SRRM3: variants seen among roughly 807,000 people sequenced by gnomAD.
The protein encoded by SRRM3 is serine/arginine repetitive matrix protein 3.
SRRM3 carries 27 observed loss-of-function variants against 66.2 expected under a neutral mutation model. The ratio of observed to expected loss-of-function variants is 0.41; its 90% confidence interval spans 0.30 to 0.56. The LOEUF (loss-of-function observed/expected upper bound fraction) is 0.56. Among genes scored for constraint, SRRM3 ranks in the 20% least tolerant of loss-of-function variants. SRRM3 has a pLI of 0.32. For synonymous variants in SRRM3, 391 were observed against 414.9 expected, an observed-to-expected ratio of 0.94 and a Z score of 0.70; for missense variants, 918 against 991.9, an observed-to-expected ratio of 0.93 and a Z score of 1.00.
chr7:76,210,682 C>T (rs944554696), intron 1 of SRRM3, among the ~76,000 whole-genome samples: 2 of 151,972 alleles, frequency 1.3e-5, no homozygotes, highest in Non-Finnish European at 2.9e-5. Context: ...CTTGGGGGGG[C>T]GGGTAGTGCA....
intron 9 of SRRM3, 30 bp from the exon 10 acceptor site, chr7:76,265,334 G>A: frequency 6.4e-7 from 1 of 1,555,328 alleles, no homozygotes; most frequent in Non-Finnish European, 8.8e-7. Flanking sequence ...CAGAATTGAG[G>A]TACAGGCTGA....
Position 76,251,945 on chromosome 7 carries a change from A to G in SRRM3, c.335+3656A>G, listed in dbSNP as rs188181746. Among the ~76,000 whole-genome samples the G allele has an allele frequency of 1.7e-3, 266 of 152,168 alleles. 2 individuals carry two copies. The highest frequency in any genetic ancestry group is 0.014 in the Middle Eastern group (4 of 294). ...CTGAGCATGGTGGCACACGCCTGCA[A>G]TCCCAGCTACTCTGGAGCTGGGAGC... On this transcript the variant is annotated intron_variant, in intron 3 of 14. Coordinates refer to ENST00000611745, the MANE Select transcript of SRRM3 (RefSeq NM_001110199.3).
intron 1 of SRRM3, among the ~76,000 whole-genome samples, chr7:76,224,650 G>A (rs1330650177): frequency 3.3e-5 from 5 of 152,128 alleles, no homozygotes; most frequent in South Asian, 2.1e-4. Flanking sequence ...TATTAGCTAC[G>A]AGGGTCTGCC....
intron 11 of SRRM3, among the ~76,000 whole-genome samples, chr7:76,277,343 C>T (rs75385794): frequency 1.3e-5 from 2 of 152,270 alleles, no homozygotes; most frequent in East Asian, 3.9e-4. Context: ...GTGGGAAGGA[C>T]CCATCACGGC....
At chr7:76,261,027 G>A in intron 6 of SRRM3, 124 bp downstream of exon 6, 1 of 1,074,366 alleles carries the variant, frequency 9.3e-7, no homozygotes, top group Non-Finnish European at 1.3e-6. Flanking sequence ...ACACTGCCAA[G>A]GTGCAAGTTT....
At chr7:76,280,891 CT>C (rs1259091886) in intron 11 of SRRM3, among the ~76,000 whole-genome samples, 2 of 151,296 alleles carry the variant, frequency 1.3e-5, no homozygotes, top group Admixed American at 1.3e-4. Flanking sequence ...GGCTTCCATC[CT>C]TCTCTCTCTT....
chr7:76,218,522 CAGAG>C (rs1335698287), intron 1 of SRRM3, among the ~76,000 whole-genome samples: 1 of 152,074 alleles, frequency 6.6e-6, no homozygotes, highest in African/African-American at 2.4e-5. Context: ...AGGGCCCTGA[CAGAG>C]AGCAGGAAGA....
At chr7:76,256,494 C>G (rs1419445817) in intron 3 of SRRM3, among the ~76,000 whole-genome samples, 5 of 150,696 alleles carry the variant, frequency 3.3e-5, no homozygotes, top group African/African-American at 9.8e-5. Context: ...GCGACAAGAG[C>G]AAGACTCTGT....
At chr7:76,262,606 G>C (rs1285462575) in intron 8 of SRRM3, among the ~76,000 whole-genome samples, 1 of 151,050 alleles carries the variant, frequency 6.6e-6, no homozygotes, top group Non-Finnish European at 1.5e-5. Flanking sequence ...TGGATCATTT[G>C]AAGTCAGGAC....
intron 2 of SRRM3, among the ~76,000 whole-genome samples, chr7:76,242,051 C>T (rs1347545873): frequency 6.6e-6 from 1 of 152,126 alleles, no homozygotes; most frequent in African/African-American, 2.4e-5. Flanking sequence ...AGAAGGGGAG[C>T]CAGCATGTCT....
At chr7:76,216,676 G>T (rs1198135034) in intron 1 of SRRM3, among the ~76,000 whole-genome samples, 1 of 152,226 alleles carries the variant, frequency 6.6e-6, no homozygotes, top group East Asian at 1.9e-4. Context: ...ATTGCTTTCT[G>T]GGGAGGAGAG....
chr7:76,263,875 G>GCCAAAAAAAAAAA lies in SRRM3; in HGVS notation c.675-890_675-889insCCAAAAAAAAAAA, dbSNP rs1243393227. ...GCAACAGAGCGGGACTCTGTCTCAA[G>GCCAAAAAAAAAAA]ACAAAAAAAAAAAAAAAAAAAAAAA... On this transcript the variant is annotated intron_variant, in intron 8 of 14. Transcript: ENST00000611745. 1.9e-3 allele frequency among the ~76,000 whole-genome samples: 52 copies of GCCAAAAAAAAAAA among 26,744 alleles called. 8 individuals carry two copies. Among genetic ancestry groups the GCCAAAAAAAAAAA allele is most frequent in the South Asian group, 4.9e-3 (3 of 614 alleles). 17.5% of individuals were successfully genotyped at this position (26,744 alleles called of 152,430 possible). A position where few individuals can be genotyped will look rare whatever the true frequency, so the allele number is the denominator to read the frequency against.
intron 1 of SRRM3, among the ~76,000 whole-genome samples, chr7:76,222,716 G>A (rs1417378913): frequency 6.6e-6 from 1 of 151,936 alleles, no homozygotes; most frequent in African/African-American, 2.4e-5. Context: ...CTGCCTCCTG[G>A]GTTCAAGCAA....
rs1244594851 is a variant in SRRM3 at position 76,285,007 on chromosome 7, CACTT to C, written c.1734-605_1734-602del. ...GGCAGGGCTGGGACGTAGTCACAGA[CACTT>C]ACACGCCAGCTTGGGTGATGGGAGC... On this transcript the variant is annotated intron_variant, in intron 14 of 14. Transcript: ENST00000611745. This position sits in a 1 kb window ranked among gnomAD's most constrained non-coding sequence, Gnocchi z 4.1. Among the ~76,000 whole-genome samples the C allele has an allele frequency of 6.6e-6, 1 of 152,152 alleles. No homozygotes were observed. Among genetic ancestry groups the C allele is most frequent in the East Asian group, 1.9e-4 (1 of 5,196 alleles).
intron 10 of SRRM3, among the ~76,000 whole-genome samples, chr7:76,266,972 C>G (rs781966571): frequency 9.3e-4 from 141 of 152,072 alleles, no homozygotes; most frequent in South Asian, 1.7e-3. Flanking sequence ...CAAGCCCAGC[C>G]TAATAATAAT....
At chr7:76,224,167 G>T (rs1385832260) in intron 1 of SRRM3, among the ~76,000 whole-genome samples, 2 of 119,918 alleles carry the variant, frequency 1.7e-5, no homozygotes, top group African/African-American at 6.6e-5. Flanking sequence ...TGCAAGCTCC[G>T]CTCCTGGGTT....
chr7:76,240,436 C>T lies in SRRM3; in HGVS notation c.233+5137C>T, dbSNP rs537457951. Among the ~76,000 whole-genome samples, 20 of 151,940 alleles carry T rather than the reference C, an allele frequency of 1.3e-4. 1 individual carries two copies. Among genetic ancestry groups the T allele is most frequent in the South Asian group, 1.0e-3 (5 of 4,810 alleles). ...GAGATCGAGGCCATCCTGGCTAACA[C>T]GGTGAAACCCCTTCTCTACTAATAA... is the stretch of plus-strand genomic sequence containing the variant. On this transcript the variant is annotated intron_variant, in intron 2 of 14. Coordinates refer to ENST00000611745, the MANE Select transcript of SRRM3 (RefSeq NM_001110199.3).
intron 1 of SRRM3, among the ~76,000 whole-genome samples, chr7:76,209,489 T>C (rs1200089032): frequency 5.3e-5 from 8 of 152,136 alleles, no homozygotes; most frequent in African/African-American, 1.4e-4. Context: ...CACAGAGGTA[T>C]GAAACCTCCT....
In SRRM3 at chr7:76,225,513, C is replaced by T. The variant is rs376065715; in HGVS notation, c.-39-9515C>T. Among the ~76,000 whole-genome samples, 100 of 148,518 alleles carry T rather than the reference C, an allele frequency of 6.7e-4. No homozygotes were observed. The East Asian group carries it at 0.014, about 21-fold the overall frequency. ...TCCCCGGCAAAAGAGGCTTCTCAGC[C>T]CCGGCAGCAAATGGGGCCCCCTGAA... On this transcript the variant is annotated intron_variant, in intron 1 of 14. Transcript: ENST00000611745.
Sources: gnomAD v4.1 joint callset for allele counts (sites outside exome capture counted in the v4.1 genomes callset) on GRCh38, gnomAD v4.1.1 for gene constraint, Gnocchi (gnomAD v3.1) non-coding constraint, MANE v1.5 for transcripts, NCBI Gene and HGNC (gene_info 2026-07-23, HGNC 2026-07-21) for gene names.